Variants in LHFPL3 observed in about 807,000 individuals in gnomAD.
LHFPL3 encodes the protein LHFPL tetraspan subfamily member 3, also known as LHFPL tetraspan subfamily member 3 protein.
Under a neutral mutation model 19.3 loss-of-function variants are expected in LHFPL3, and 5 were observed. That is an observed-to-expected ratio of 0.26 (90% CI 0.14 to 0.54). The LOEUF (loss-of-function observed/expected upper bound fraction) is 0.54, where lower values mean the gene tolerates loss of function less well. LHFPL3 is among the 20% of genes least tolerant of loss of function. The pLI is 0.94. For missense variants in LHFPL3, 249 were observed against 307.4 expected (o/e 0.81, Z 1.42); for synonymous variants, 133 against 126.2 (o/e 1.05, Z -0.36).
intron 1 of LHFPL3, among the ~76,000 whole-genome samples, chr7:104,706,731 C>A (rs1026495625): frequency 2.6e-5 from 4 of 152,156 alleles, no homozygotes; most frequent in African/African-American, 4.8e-5. Context: ...TTATAACAGC[C>A]TCCTCTTTTA....
intron 1 of LHFPL3, among the ~76,000 whole-genome samples, chr7:104,548,176 G>T (rs528078114): frequency 6.6e-6 from 1 of 152,220 alleles, no homozygotes; most frequent in East Asian, 1.9e-4. Flanking sequence ...CTTTAACCAT[G>T]AAATTTTCTT....
intron 1 of LHFPL3, among the ~76,000 whole-genome samples, chr7:104,594,108 T>G (rs138507476): frequency 1.3e-5 from 2 of 152,366 alleles, no homozygotes; most frequent in East Asian, 1.9e-4. Context: ...TGCCCATTAA[T>G]TGATGCAGTT....
At chr7:104,332,675 T>A (rs1801592969) in intron 1 of LHFPL3, among the ~76,000 whole-genome samples, 1 of 152,188 alleles carries the variant, frequency 6.6e-6, no homozygotes, top group South Asian at 2.1e-4. Flanking sequence ...TGTTGCTCGT[T>A]CATCTAGGTG....
At chr7:104,784,506 A>C (rs996971045) in intron 2 of LHFPL3, among the ~76,000 whole-genome samples, 6 of 152,356 alleles carry the variant, frequency 3.9e-5, no homozygotes, top group Admixed American at 1.3e-4. Context: ...TTAGAAAATG[A>C]TGTCAAAAAC....
intron 1 of LHFPL3, among the ~76,000 whole-genome samples, chr7:104,731,818 G>C (rs943224186): frequency 7.2e-5 from 11 of 151,850 alleles, no homozygotes; most frequent in Non-Finnish European, 1.3e-4. Flanking sequence ...CAAAGGGAAT[G>C]CTTCCAGTTT....
At chr7:104,742,086 T>C (rs957818818) in intron 2 of LHFPL3, among the ~76,000 whole-genome samples, 2 of 152,228 alleles carry the variant, frequency 1.3e-5, no homozygotes, top group Non-Finnish European at 2.9e-5. Flanking sequence ...AATTTAATTA[T>C]GTAAAATTAA....
intron 2 of LHFPL3, among the ~76,000 whole-genome samples, chr7:104,859,226 C>A (rs2116631427): frequency 6.7e-6 from 1 of 150,170 alleles, no homozygotes; most frequent in South Asian, 2.1e-4. Context: ...AAGATCATAC[C>A]ACTGCACTCC....
At chr7:104,434,041 G>A (rs2116565765) in intron 1 of LHFPL3, among the ~76,000 whole-genome samples, 1 of 152,266 alleles carries the variant, frequency 6.6e-6, no homozygotes, top group African/African-American at 2.4e-5. Context: ...GTAAATTGGG[G>A]TTATTGTTTT....
chr7:104,397,805 G>T (rs1319721360), intron 1 of LHFPL3, among the ~76,000 whole-genome samples: 1 of 152,206 alleles, frequency 6.6e-6, no homozygotes, highest in Non-Finnish European at 1.5e-5. Flanking sequence ...AGCAGACTTG[G>T]CTTTGGAGGA....
chr7:104,568,496 G>A (rs1709867626), intron 1 of LHFPL3, among the ~76,000 whole-genome samples: 1 of 152,130 alleles, frequency 6.6e-6, no homozygotes, highest in Admixed American at 6.5e-5. Context: ...CTTAGCCAAG[G>A]CCACATAATG....
chr7:104,650,261 G>T (rs1263932256), intron 1 of LHFPL3, among the ~76,000 whole-genome samples: 16 of 152,184 alleles, frequency 1.1e-4, no homozygotes, highest in Non-Finnish European at 2.9e-5. Flanking sequence ...TGAGGATATG[G>T]CTTCTCCAGG....
chr7:104,563,357 G>C (rs1323181599), intron 1 of LHFPL3, among the ~76,000 whole-genome samples: 1 of 151,276 alleles, frequency 6.6e-6, no homozygotes, highest in Non-Finnish European at 1.5e-5. Context: ...AGGACCCTCC[G>C]AGCCAGGTGC....
At chr7:104,563,766 C>G (rs902769728) in intron 1 of LHFPL3, among the ~76,000 whole-genome samples, 8 of 152,196 alleles carry the variant, frequency 5.3e-5, no homozygotes, top group Non-Finnish European at 1.2e-4. Flanking sequence ...TCTGCCAGCA[C>G]TTTGATCTTA....
At position 104,882,671 on chromosome 7, in the gene LHFPL3, G is replaced by T. The variant is rs149626503; in HGVS notation, c.683-23516G>T. On this transcript the variant is annotated intron_variant, in intron 2 of 2. Transcript: ENST00000424859. ...GGTGAGTGACTGACAGTAGGTATGG[G>T]GTTTTCATGGTGATGAAAATATTCT... 5.0e-3 allele frequency among the ~76,000 whole-genome samples: 761 copies of T among 152,240 alleles called. 6 individuals carry two copies. The highest frequency in any genetic ancestry group is 8.9e-3 in the Non-Finnish European group (602 of 68,000).
At chr7:104,694,034 C>T (rs1792954986) in intron 1 of LHFPL3, among the ~76,000 whole-genome samples, 1 of 152,150 alleles carries the variant, frequency 6.6e-6, no homozygotes, top group Non-Finnish European at 1.5e-5. Flanking sequence ...GTTTGCTAAG[C>T]TAGGTCTGCT....
intron 2 of LHFPL3, among the ~76,000 whole-genome samples, chr7:104,879,645 AG>A (rs1249783609): frequency 6.6e-6 from 1 of 152,250 alleles, no homozygotes; most frequent in Non-Finnish European, 1.5e-5. Context: ...GGATTACTTA[AG>A]CCCAGGAGAT....
chr7:104,848,104 C>A (rs1352811480), intron 2 of LHFPL3, among the ~76,000 whole-genome samples: 1 of 152,064 alleles, frequency 6.6e-6, no homozygotes, highest in East Asian at 1.9e-4. Context: ...GAAAGTATTA[C>A]CAGGATAGAA....
chr7:104,668,671 C>T (rs1006587748), intron 1 of LHFPL3: 6 of 1,610,972 alleles, frequency 3.7e-6, no homozygotes, highest in Admixed American at 3.3e-5. Flanking sequence ...TCGTGGAGCT[C>T]CAGAGATGAT....
intron 1 of LHFPL3, among the ~76,000 whole-genome samples, chr7:104,702,566 C>T (rs903343586): frequency 6.6e-6 from 1 of 152,194 alleles, no homozygotes; most frequent in Non-Finnish European, 1.5e-5. Context: ...AAGCTTTTCT[C>T]TTAAATTAAA....
Sources: allele counts gnomAD v4.1 joint callset (sites outside exome capture counted in the v4.1 genomes callset), GRCh38; gene constraint gnomAD v4.1.1; transcripts MANE v1.5; gene names NCBI Gene and HGNC (gene_info 2026-07-23, HGNC 2026-07-21).